NR6A1: variants seen among roughly 807,000 people sequenced by gnomAD.
NR6A1 encodes nuclear receptor subfamily 6 group A member 1.
Under a neutral mutation model 59.1 loss-of-function variants are expected in NR6A1, and 7 were observed. The ratio of observed to expected loss-of-function variants is 0.12; its 90% CI spans 0.07 to 0.22. The LOEUF (loss-of-function observed/expected upper bound fraction) is 0.22, where lower values mean the gene tolerates loss of function less well. Ranked by LOEUF, NR6A1 falls within the 10% of genes least tolerant of loss-of-function variation. The pLI is 1.00. For synonymous variants in NR6A1, 243 were observed against 236.1 expected, an observed-to-expected ratio of 1.03 and a Z score of -0.27; for missense variants, 468 against 611.6, an observed-to-expected ratio of 0.77 and a Z score of 2.48.
intron 2 of NR6A1, among the ~76,000 whole-genome samples, chr9:124,627,907 T>C (rs1836294679): frequency 7.1e-6 from 1 of 141,346 alleles, no homozygotes; most frequent in African/African-American, 2.8e-5. Flanking sequence ...TTTTTTTTTT[T>C]TTTCAAAACA....
chr9:124,518,757 G>GT lies in NR6A1; in HGVS notation c.*3947dup, dbSNP rs79383104. 1,677 of 139,984 alleles carry GT rather than the reference G, an allele frequency of 0.012. 13 individuals carry two copies. The highest frequency in any genetic ancestry group is 0.024 in the African/African-American group (926 of 38,384). The allele number at this position is 139,984 out of a possible 1,614,324, so 8.7% of individuals were successfully genotyped here. A position where few individuals can be genotyped will look rare whatever the true frequency, so the allele number is the denominator to read the frequency against. On this transcript the variant is annotated 3_prime_UTR_variant, in exon 10 of 10. Coordinates refer to ENST00000487099, the MANE Select transcript of NR6A1 (RefSeq NM_033334.4). ...TTGTTAAATTTTGTTTGTTTTTTGG[G>GT]TTTTTTTTTTTTTTACTTTAAAAAA...
intron 2 of NR6A1, among the ~76,000 whole-genome samples, chr9:124,657,718 G>A (rs1484808020): frequency 6.6e-6 from 1 of 152,052 alleles, no homozygotes; most frequent in Admixed American, 6.5e-5. Flanking sequence ...TCACAGCTCA[G>A]TAGGGTCCAT....
intron 1 of NR6A1, among the ~76,000 whole-genome samples, chr9:124,769,676 G>C (rs1841051688): frequency 6.6e-6 from 1 of 152,248 alleles, no homozygotes; most frequent in Admixed American, 6.5e-5. Flanking sequence ...GGCGCAGCGA[G>C]GGGAGGAGGC....
At chr9:124,543,623 T>C (rs1024881162) in intron 4 of NR6A1, among the ~76,000 whole-genome samples, 179 bp downstream of exon 4, 4 of 152,136 alleles carry the variant, frequency 2.6e-5, no homozygotes, top group Non-Finnish European at 4.4e-5. Flanking sequence ...ATCATTAACT[T>C]ACATATTTAA....
At chr9:124,549,047 T>C (rs1443423268) in intron 3 of NR6A1, among the ~76,000 whole-genome samples, 1 of 151,980 alleles carries the variant, frequency 6.6e-6, no homozygotes, top group Non-Finnish European at 1.5e-5. Flanking sequence ...TGTCTAATAA[T>C]GAGGGAAACA....
At chr9:124,589,252 C>T (rs1020579937) in intron 2 of NR6A1, among the ~76,000 whole-genome samples, 1 of 152,118 alleles carries the variant, frequency 6.6e-6, no homozygotes, top group Non-Finnish European at 1.5e-5. Context: ...CGAGACCATT[C>T]TGGCTAACAC....
rs537510466 is a variant in NR6A1 at position 124,520,028 on chromosome 9, C to G, written c.*2677G>C. The G allele has an allele frequency of 6.6e-6, 1 of 151,778 alleles. No homozygotes were observed. The highest frequency in any genetic ancestry group is 1.5e-5 in the Non-Finnish European group (1 of 68,000). 9.4% of individuals were successfully genotyped at this position (151,778 alleles called of 1,614,324 possible). ...TGCACAACTTTTCTCTCCTTCCACT[C>G]GCAAAAAGGCTACCTGTTAACCAAA... On this transcript the variant is annotated 3_prime_UTR_variant, in exon 10 of 10. Coordinates refer to ENST00000487099, the MANE Select transcript of NR6A1 (RefSeq NM_033334.4).
At chr9:124,608,300 CA>C (rs1353428934) in intron 2 of NR6A1, among the ~76,000 whole-genome samples, 2 of 151,986 alleles carry the variant, frequency 1.3e-5, no homozygotes, top group African/African-American at 4.8e-5. Context: ...CTCCCTCCCC[CA>C]CCCCCAACAG....
chr9:124,729,412 T>G (rs919741366), intron 2 of NR6A1, among the ~76,000 whole-genome samples: 3 of 152,044 alleles, frequency 2.0e-5, no homozygotes, highest in Non-Finnish European at 4.4e-5. Context: ...AAAAAATATT[T>G]GAAAGAGAAA....
intron 2 of NR6A1, among the ~76,000 whole-genome samples, chr9:124,699,759 T>G (rs1353787226): frequency 1.3e-5 from 2 of 152,200 alleles, no homozygotes; most frequent in African/African-American, 2.4e-5. Flanking sequence ...GCATCACCCA[T>G]AAAACTCCCT....
chr9:124,575,526 A>T (rs1834563947), intron 2 of NR6A1, among the ~76,000 whole-genome samples: 1 of 151,862 alleles, frequency 6.6e-6, no homozygotes, highest in African/African-American at 2.4e-5. Context: ...ATGAGCCGAG[A>T]TCACACCACT....
chr9:124,727,588 A>G (rs190026078), intron 2 of NR6A1, among the ~76,000 whole-genome samples: 3 of 152,374 alleles, frequency 2.0e-5, no homozygotes, highest in Non-Finnish European at 4.4e-5. Flanking sequence ...AGTGAGAGAT[A>G]GAAGTACTTC....
intron 3 of NR6A1, among the ~76,000 whole-genome samples, chr9:124,547,110 T>C (rs758718316): frequency 6.6e-6 from 1 of 152,276 alleles, no homozygotes; most frequent in African/African-American, 2.4e-5. Context: ...GGAATGGTTC[T>C]GCTGTAACTC....
At chr9:124,707,016 C>T (rs1001586596) in intron 2 of NR6A1, among the ~76,000 whole-genome samples, 8 of 151,992 alleles carry the variant, frequency 5.3e-5, no homozygotes, top group African/African-American at 1.9e-4. Context: ...TCATACTTGG[C>T]GTTTATTAGG....
Position 124,519,970 on chromosome 9 carries a change from G to C in NR6A1, c.*2735C>G, listed in dbSNP as rs879794009. 10 of 146,932 alleles carry C rather than the reference G, an allele frequency of 6.8e-5. No individual in the cohort carries two copies. The highest frequency in any genetic ancestry group is 1.3e-4 in the Non-Finnish European group (9 of 67,348). 9.1% of individuals were successfully genotyped at this position (146,932 alleles called of 1,614,324 possible). A position where few individuals can be genotyped will look rare whatever the true frequency, so the allele number is the denominator to read the frequency against. On this transcript the variant is annotated 3_prime_UTR_variant, in exon 10 of 10. Transcript: ENST00000487099. ...GAGTGCTTTTGGTGGTTGGGGATCA[G>C]AGAGAGGGCAGAAAGAGAAATTAGA...
intron 2 of NR6A1, chr9:124,595,692 C>T: frequency 1.1e-6 from 1 of 945,276 alleles, no homozygotes; most frequent in South Asian, 1.4e-5. Context: ...GCTATTTGCT[C>T]TAAACCTTCA....
intron 2 of NR6A1, among the ~76,000 whole-genome samples, chr9:124,710,162 G>C (rs1324449325): frequency 6.6e-6 from 1 of 152,042 alleles, no homozygotes; most frequent in African/African-American, 2.4e-5. Flanking sequence ...CAAATGATCA[G>C]ACACGAGACA....
chr9:124,539,395 G>A (rs1833377125), intron 5 of NR6A1, among the ~76,000 whole-genome samples: 1 of 152,184 alleles, frequency 6.6e-6, no homozygotes, highest in Non-Finnish European at 1.5e-5. Flanking sequence ...GAGAAGCTGA[G>A]ATCCAAACCA....
At chr9:124,554,917 A>G (rs1366531629) in intron 2 of NR6A1, among the ~76,000 whole-genome samples, 6 of 152,188 alleles carry the variant, frequency 3.9e-5, no homozygotes, top group Non-Finnish European at 2.9e-5. Flanking sequence ...ATTACTTACC[A>G]TATATGTAAG....
Sources: allele counts gnomAD v4.1 joint callset (sites outside exome capture counted in the v4.1 genomes callset), GRCh38; gene constraint gnomAD v4.1.1; transcripts MANE v1.5; gene names NCBI Gene and HGNC (gene_info 2026-07-23, HGNC 2026-07-21).